The following CCDC112 variants were observed in gnomAD, a reference collection of about 807,000 sequenced individuals.
The protein encoded by CCDC112 is coiled-coil domain containing 112, also known as coiled-coil domain-containing protein 112.
Under a neutral mutation model 66.3 loss-of-function variants are expected in CCDC112, and 40 were observed. The observed-to-expected ratio is 0.60, with a 90% CI of 0.47 to 0.79. The LOEUF (loss-of-function observed/expected upper bound fraction) is 0.79, where lower values mean the gene tolerates loss of function less well. Ranked by LOEUF, CCDC112 falls within the 30% of genes least tolerant of loss-of-function variation. The pLI, the probability that CCDC112 is intolerant of heterozygous loss-of-function variation, is 0.00. For missense variants in CCDC112, 659 were observed against 603.8 expected (o/e 1.09, Z -0.96); for synonymous variants, 214 against 197.2 (o/e 1.09, Z -0.71).
In CCDC112 at chr5:115,271,582, T is replaced by C; in HGVS notation, c.963A>G (p.Glu321=). The C allele has an allele frequency of 3.9e-6, 6 of 1,555,688 alleles. No individual in the cohort carries two copies. The highest frequency in any genetic ancestry group is 4.3e-6 in the Non-Finnish European group (5 of 1,158,806). The stretch of plus-strand genomic sequence containing the variant: ...CTGCCTTTTCCTTTAACTTGAAAAT[T>C]TCCTCCCTTTTTTGCTGCTTTTTAG... ...WKTKKQQKRE[E]IFKLKEKADN... Residue 321 remains glutamate (E), a synonymous_variant, in exon 7 of 10, where the codon GAA becomes GAG. Transcript: ENST00000379611.
chr5:115,294,376 A>G (rs567933785), intron 1 of CCDC112, among the ~76,000 whole-genome samples: 16 of 152,318 alleles, frequency 1.1e-4, no homozygotes, highest in Admixed American at 7.8e-4. Context: ...AAGAGATGCC[A>G]GAGATCTCTT....
chr5:115,282,010 A>C (rs1482370638), intron 2 of CCDC112, among the ~76,000 whole-genome samples: 1 of 152,178 alleles, frequency 6.6e-6, no homozygotes, highest in African/African-American at 2.4e-5. Flanking sequence ...TATCCTGAAG[A>C]TATACTTACA....
intron 5 of CCDC112, 137 bp downstream of exon 5, chr5:115,275,857 C>CA: frequency 2.8e-6 from 2 of 720,454 alleles, no homozygotes; most frequent in Non-Finnish European, 4.4e-6. Flanking sequence ...AAACTGAAAA[C>CA]AAAAAAGATA....
intron 1 of CCDC112, among the ~76,000 whole-genome samples, chr5:115,285,520 G>C (rs944831845): frequency 1.3e-5 from 2 of 152,014 alleles, no homozygotes; most frequent in Admixed American, 6.6e-5. Context: ...ATGTGCAAAA[G>C]CCCTAGAGCA....
chr5:115,288,925 C>G (rs72813851), intron 1 of CCDC112: 1 of 444,352 alleles, frequency 2.3e-6, no homozygotes, highest in Non-Finnish European at 4.5e-6. Flanking sequence ...AAATATTCCT[C>G]TGGATTGTAC....
Position 115,268,320 on chromosome 5 carries a change from C to G in CCDC112, c.1548-402G>C, listed in dbSNP as rs140086666. Among the ~76,000 whole-genome samples, 12 of 152,152 alleles carry G rather than the reference C, an allele frequency of 7.9e-5. No individual in the cohort carries two copies. In the East Asian group the frequency reaches 1.9e-3, roughly 25 times the overall value. On this transcript the variant is annotated intron_variant, in intron 9 of 9. Coordinates refer to ENST00000379611, the MANE Select transcript of CCDC112 (RefSeq NM_001040440.3). ...TTTTTGAGACGGAGTCTCACTGTTA[C>G]CCAGGTGGCACGATCTCGGCTCACC...
At chr5:115,292,345 G>A (rs979884578) in intron 1 of CCDC112, among the ~76,000 whole-genome samples, 1 of 151,286 alleles carries the variant, frequency 6.6e-6, no homozygotes, top group African/African-American at 2.4e-5. Flanking sequence ...ATTTCTACTT[G>A]ATTCTTTTTT....
At chr5:115,279,186 T>G (rs966892786) in intron 3 of CCDC112, among the ~76,000 whole-genome samples, 7 of 152,142 alleles carry the variant, frequency 4.6e-5, no homozygotes, top group Non-Finnish European at 8.8e-5. Context: ...ACAAGGAAAC[T>G]CAGGTTTATG....
intron 4 of CCDC112, 119 bp from the exon 5 acceptor site, chr5:115,276,188 T>A: frequency 1.4e-6 from 1 of 703,498 alleles, no homozygotes; most frequent in African/African-American, 1.8e-5. Context: ...GCCTAAGGCA[T>A]AAGAAAGTTG....
In CCDC112 at chr5:115,279,697, C is replaced by T. The variant is rs370326052; in HGVS notation, c.311G>A (p.Ser104Asn). The T allele has an allele frequency of 4.7e-5, 76 of 1,608,130 alleles. No homozygotes were observed. Among genetic ancestry groups the T allele is most frequent in the Non-Finnish European group, 6.1e-5 (72 of 1,175,514 alleles). Reference sequence around the variant, plus strand: ...TTTATTTTCCAATTCTTCTAGCATACTATGCTCAATTCTGAAGTCACTTTT... The same window carrying T: ...TTTATTTTCCAATTCTTCTAGCATATTATGCTCAATTCTGAAGTCACTTTT... ...NQKSDFRIEH[S>N]MLEELENKLI... is the part of the protein sequence containing the mutation. Residue 104 changes from serine to asparagine, a missense_variant, in exon 3 of 10, where the codon AGT (serine) becomes AAT (asparagine). Ser to Asn is a conservative substitution (Grantham distance 46, BLOSUM62 1). Transcript: ENST00000379611.
intron 1 of CCDC112, among the ~76,000 whole-genome samples, chr5:115,291,511 T>C (rs571132227): frequency 4.6e-5 from 7 of 152,282 alleles, no homozygotes; most frequent in Admixed American, 2.6e-4. Flanking sequence ...GAAATGTTCA[T>C]TAAAAATGTT....
At chr5:115,278,820 T>C (rs954411888) in intron 3 of CCDC112, among the ~76,000 whole-genome samples, 1 of 152,172 alleles carries the variant, frequency 6.6e-6, no homozygotes, top group Non-Finnish European at 1.5e-5. Context: ...TCACTAAGAA[T>C]TTACTTTAAT....
At chr5:115,280,454 A>G (rs1394765985) in intron 2 of CCDC112, 1 of 152,202 alleles carries the variant, frequency 6.6e-6, no homozygotes, top group African/African-American at 2.4e-5. Flanking sequence ...GTCTAACAGT[A>G]AGGAGTTCTC....
chr5:115,271,601 T>G lies in CCDC112; in HGVS notation c.944A>C (p.Lys315Thr), dbSNP rs1749003281. ...KESIQIWKTK[K>T]QQKREEIFKL... The stretch of plus-strand genomic sequence containing the variant: ...GAAAATTTCCTCCCTTTTTTGCTGC[T>G]TTTTAGTTTTCCAAATCTGAATTGA... The change falls in exon 7 of 10, where the codon AAG (lysine) becomes ACG (threonine). Residue 315 changes from lysine (K) to threonine (T), a missense_variant. Lys to Thr is a moderately conservative substitution (Grantham distance 78). Transcript: ENST00000379611. 4.6e-6 allele frequency: 7 copies of G among 1,537,922 alleles called. No individual in the cohort carries two copies. The highest frequency in any genetic ancestry group is 6.1e-6 in the Non-Finnish European group (7 of 1,150,716).
In CCDC112 at chr5:115,269,723, G is replaced by T; in HGVS notation, c.1408C>A (p.Leu470Met). ...EDEKSQKQRR[L>M]AKLKEKVENN... Reference sequence around the variant, plus strand: ...AGTACCTTTTCTTTTAATTTTGCCAGTCTTCTTTGTTTTTGTGACTTTTCA... The same window carrying T: ...AGTACCTTTTCTTTTAATTTTGCCATTCTTCTTTGTTTTTGTGACTTTTCA... Residue 470 changes from leucine to methionine, a missense_variant, in exon 8 of 10, where the codon CTG becomes ATG. Transcript: ENST00000379611. 1 of 1,599,336 alleles carries T rather than the reference G, an allele frequency of 6.3e-7. No homozygotes were observed.
At chr5:115,270,158 T>G (rs1748938667) in intron 7 of CCDC112, among the ~76,000 whole-genome samples, 1 of 152,124 alleles carries the variant, frequency 6.6e-6, no homozygotes, top group Non-Finnish European at 1.5e-5. Context: ...TTATTATGTG[T>G]CCTGCTTATT....
At chr5:115,296,138 T>C (rs1360222266) in intron 1 of CCDC112, 1 of 1,149,274 alleles carries the variant, frequency 8.7e-7, no homozygotes, top group Non-Finnish European at 1.1e-6. Context: ...TCCCAATTTT[T>C]AGAGAAGAAA....
intron 6 of CCDC112, among the ~76,000 whole-genome samples, chr5:115,272,567 G>A (rs1428056940): frequency 6.6e-6 from 1 of 152,180 alleles, no homozygotes; most frequent in Non-Finnish European, 1.5e-5. Flanking sequence ...TCCGAAGTAT[G>A]TATAAATAAA....
In CCDC112 at chr5:115,268,184, C is replaced by T. The variant is rs531937896; in HGVS notation, c.1548-266G>A. Among the ~76,000 whole-genome samples the T allele has an allele frequency of 6.6e-5, 10 of 152,222 alleles. No individual in the cohort carries two copies. In the South Asian group the frequency reaches 2.1e-3, roughly 32 times the overall value. The stretch of plus-strand genomic sequence containing the variant: ...TTCATTCTTTTTCAATACTACTCTC[C>T]TTATAAAAATAAATATTAATGTGAA... On this transcript the variant is annotated intron_variant, in intron 9 of 9. Coordinates refer to ENST00000379611, the MANE Select transcript of CCDC112 (RefSeq NM_001040440.3).
Sources: gnomAD v4.1 joint callset for allele counts (sites outside exome capture counted in the v4.1 genomes callset) on GRCh38, gnomAD v4.1.1 for gene constraint, MANE v1.5 for transcripts, NCBI Gene and HGNC (gene_info 2026-07-23, HGNC 2026-07-21) for gene names.